The following GLG1 variants were observed in gnomAD, a reference collection of about 807,000 sequenced individuals.
GLG1 encodes the protein Golgi apparatus protein 1.
Under a neutral mutation model 160.5 loss-of-function variants are expected in GLG1, and 38 were observed. That is an observed-to-expected ratio of 0.24 (90% CI 0.18 to 0.31). The LOEUF (loss-of-function observed/expected upper bound fraction) is 0.31. Among genes scored for constraint, GLG1 ranks in the 10% least tolerant of loss-of-function variants. GLG1 has a pLI of 1.00. For synonymous variants in GLG1, 644 were observed against 543.4 expected (o/e 1.19, Z -2.57); for missense variants, 1,373 against 1,505.2 (o/e 0.91, Z 1.45).
intron 1 of GLG1, among the ~76,000 whole-genome samples, chr16:74,551,674 G>GGAAC (rs1567518775): frequency 1.3e-5 from 2 of 150,334 alleles, no homozygotes; most frequent in Admixed American, 1.3e-4. Context: ...AATTTGGGAA[G>GGAAC]AGGTGTGGGT....
intron 1 of GLG1, among the ~76,000 whole-genome samples, chr16:74,582,165 G>C (rs1957952380): frequency 6.6e-6 from 1 of 151,970 alleles, no homozygotes; most frequent in Admixed American, 6.6e-5. Context: ...TCCATAATCT[G>C]TTTTTTTGTT....
chr16:74,567,211 C>CACAG (rs371729428), intron 1 of GLG1, among the ~76,000 whole-genome samples: 1 of 147,234 alleles, frequency 6.8e-6, no homozygotes, highest in South Asian at 2.1e-4. Flanking sequence ...GAGAGAGAGA[C>CACAG]AGAGAGAGAG....
At chr16:74,525,455 C>A (rs1445896266) in intron 2 of GLG1, among the ~76,000 whole-genome samples, 1 of 152,036 alleles carries the variant, frequency 6.6e-6, no homozygotes, top group African/African-American at 2.4e-5. Flanking sequence ...TGCCTGGCTA[C>A]ATTTTTAAAA....
Position 74,480,350 on chromosome 16 carries a change from C to G in GLG1, c.1718G>C (p.Arg573Pro). The G allele has an allele frequency of 6.2e-7, 1 of 1,613,678 alleles. No individual in the cohort carries two copies. Among genetic ancestry groups the G allele is most frequent in the Non-Finnish European group, 8.5e-7 (1 of 1,179,630 alleles). Residue 573 changes from arginine to proline, a missense_variant, in exon 11 of 26, where the codon CGT becomes CCT. By Grantham distance (103) the Arg-to-Pro change is moderately radical (BLOSUM62 -2). Coordinates refer to ENST00000422840, the MANE Select transcript of GLG1 (RefSeq NM_001145667.2). ...ATTCCAACCGTGGGTGTGGCAAAGA[C>G]GAGAAGCGTCTCCCTGGCACTTGCG... Reference protein sequence around the residue: ...LYRKCQGDASRLCHTHGWNET... With the variant: ...LYRKCQGDASPLCHTHGWNET...
At chr16:74,593,034 C>T (rs759154607) in intron 1 of GLG1, among the ~76,000 whole-genome samples, 1 of 152,172 alleles carries the variant, frequency 6.6e-6, no homozygotes, top group Admixed American at 6.6e-5. Context: ...AGCCCGCCCT[C>T]CCTCTTGCAT....
chr16:74,502,441 C>T (rs888316810), intron 4 of GLG1, among the ~76,000 whole-genome samples: 1 of 152,154 alleles, frequency 6.6e-6, no homozygotes, highest in Non-Finnish European at 1.5e-5. Flanking sequence ...TAATATATCA[C>T]ATTTAGAGAG....
chr16:74,527,590 G>C (rs541729485), intron 2 of GLG1, among the ~76,000 whole-genome samples: 14 of 152,068 alleles, frequency 9.2e-5, no homozygotes, highest in South Asian at 4.2e-4. Context: ...ATAGTCATAC[G>C]TATCAATTAT....
At chr16:74,532,781 C>T (rs556053448) in intron 1 of GLG1, among the ~76,000 whole-genome samples, 1 of 152,246 alleles carries the variant, frequency 6.6e-6, no homozygotes, top group East Asian at 1.9e-4. Context: ...CCCACCTGAG[C>T]TTCCCAAACA....
chr16:74,468,422 G>T (rs1176666429), intron 17 of GLG1: 1 of 155,672 alleles, frequency 6.4e-6, no homozygotes, highest in East Asian at 1.9e-4. Context: ...TTTTAGTAGA[G>T]ATGGGGTGTC....
intron 19 of GLG1, chr16:74,463,816 C>G (rs1450579396): frequency 1.2e-5 from 3 of 251,918 alleles, no homozygotes; most frequent in Non-Finnish European, 2.3e-5. Context: ...ATCAGGTGAT[C>G]CACCCACCTG....
chr16:74,496,844 T>C (rs2016207749), intron 4 of GLG1, among the ~76,000 whole-genome samples, 200 bp from the exon 5 acceptor site: 1 of 152,046 alleles, frequency 6.6e-6, no homozygotes, highest in Non-Finnish European at 1.5e-5. Flanking sequence ...GAAAATGCTC[T>C]CAATAATCTT....
At chr16:74,534,050 A>C (rs1384719122) in intron 1 of GLG1, among the ~76,000 whole-genome samples, 2 of 152,192 alleles carry the variant, frequency 1.3e-5, no homozygotes, top group Non-Finnish European at 2.9e-5. Context: ...AGGCATTAGC[A>C]ACATACAAAC....
At chr16:74,532,376 T>G (rs1402073300) in intron 1 of GLG1, among the ~76,000 whole-genome samples, 1 of 152,094 alleles carries the variant, frequency 6.6e-6, no homozygotes, top group African/African-American at 2.4e-5. Flanking sequence ...ACTTAACCCC[T>G]TCCCGATGGT....
chr16:74,586,519 A>T (rs1159935856), intron 1 of GLG1, among the ~76,000 whole-genome samples: 3 of 151,924 alleles, frequency 2.0e-5, no homozygotes, highest in Admixed American at 6.6e-5. Context: ...CTGTCACCCA[A>T]GCTGGAGTGC....
chr16:74,574,076 C>T (rs370513942), intron 1 of GLG1, among the ~76,000 whole-genome samples: 133 of 152,308 alleles, frequency 8.7e-4, no homozygotes, highest in Admixed American at 2.4e-3. Context: ...CGCACACATA[C>T]ACACATACAC....
intron 1 of GLG1, among the ~76,000 whole-genome samples, chr16:74,570,883 G>A (rs1310471923): frequency 6.6e-6 from 1 of 151,962 alleles, no homozygotes; most frequent in African/African-American, 2.4e-5. Flanking sequence ...ATAAGACCCT[G>A]TCCGCCTACC....
intron 1 of GLG1, among the ~76,000 whole-genome samples, chr16:74,532,803 A>T (rs2017580326): frequency 6.6e-6 from 1 of 152,192 alleles, no homozygotes; most frequent in Non-Finnish European, 1.5e-5. Flanking sequence ...CTGGGATTAC[A>T]GATGTGAATT....
chr16:74,575,613 T>G (rs760292366), intron 1 of GLG1, among the ~76,000 whole-genome samples: 2 of 152,148 alleles, frequency 1.3e-5, no homozygotes, highest in Non-Finnish European at 1.5e-5. Context: ...TTGTTTGTTT[T>G]TTTGAGACAG....
chr16:74,463,269 C>T, intron 20 of GLG1, 87 bp downstream of exon 20: 1 of 1,331,352 alleles, frequency 7.5e-7, no homozygotes, highest in Non-Finnish European at 1.1e-6. Context: ...GCAACAAAGC[C>T]CTGGGAGTTT....
Sources: gnomAD v4.1 joint callset for allele counts (sites outside exome capture counted in the v4.1 genomes callset) on GRCh38, gnomAD v4.1.1 for gene constraint, MANE v1.5 for transcripts, NCBI Gene and HGNC (gene_info 2026-07-23, HGNC 2026-07-21) for gene names.